Variants in TLL1 observed in about 807,000 individuals in gnomAD.
The protein encoded by TLL1 is tolloid-like protein 1.
Under a neutral mutation model 128.2 loss-of-function variants are expected in TLL1, and 49 were observed. The ratio of observed to expected loss-of-function variants is 0.38; its 90% CI spans 0.30 to 0.48. TLL1 has a LOEUF of 0.48. Ranked by LOEUF, TLL1 falls within the 20% of genes least tolerant of loss-of-function variation. The probability of loss-of-function intolerance (pLI) is 0.96; values close to 1 mark genes in which losing one functional copy is unlikely to be tolerated. For synonymous variants in TLL1, 454 were observed against 418.8 expected (o/e 1.08, Z -1.03); for missense variants, 1,123 against 1,242.0 (o/e 0.90, Z 1.44).
Position 166,103,822 on chromosome 4 carries a change from T to C in TLL1, c.*2946T>C, listed in dbSNP as rs973828804. The C allele has an allele frequency of 2.3e-5, 3 of 133,028 alleles. No individual in the cohort carries two copies. Among genetic ancestry groups the C allele is most frequent in the South Asian group, 5.5e-4 (2 of 3,634 alleles). 8.2% of individuals were successfully genotyped at this position (133,028 alleles called of 1,614,324 possible). On this transcript the variant is annotated 3_prime_UTR_variant, in exon 21 of 21. Transcript: ENST00000061240. ...TGGTTGTGCTTTATATTTGCCAAAGTCCTAACTGACTATACATAGAAAAAA... is the reference window on the plus strand; with the variant it reads ...TGGTTGTGCTTTATATTTGCCAAAGCCCTAACTGACTATACATAGAAAAAA...
chr4:165,911,867 T>G (rs1362826529), intron 1 of TLL1, among the ~76,000 whole-genome samples: 1 of 152,008 alleles, frequency 6.6e-6, no homozygotes, highest in African/African-American at 2.4e-5. Flanking sequence ...CAATGGTGTT[T>G]TTTTGTTTTG....
chr4:166,054,987 A>G (rs1490564070), intron 12 of TLL1, 89 bp from the exon 13 acceptor site: 2 of 1,069,308 alleles, frequency 1.9e-6, no homozygotes, highest in African/African-American at 1.6e-5. Context: ...TTAACAAATC[A>G]GAAGTATGGC....
intron 1 of TLL1, among the ~76,000 whole-genome samples, chr4:165,912,034 C>T (rs1436314892): frequency 6.6e-6 from 1 of 152,240 alleles, no homozygotes; most frequent in East Asian, 1.9e-4. Context: ...CGCCACCATG[C>T]CCGGCTAATT....
intron 1 of TLL1, among the ~76,000 whole-genome samples, chr4:165,958,417 A>G (rs1734921080): frequency 8.8e-6 from 1 of 113,608 alleles, no homozygotes; most frequent in Non-Finnish European, 1.8e-5. Context: ...CTGGTGTGAG[A>G]TGGTATCTCA....
In TLL1 at chr4:166,076,325, G is replaced by A. The variant is rs146327218; in HGVS notation, c.2314+1322G>A. On this transcript the variant is annotated intron_variant, in intron 17 of 20. Transcript: ENST00000061240. ...TGAGCTCAAGCAATCCACCTGCCAC[G>A]GCCTCCCAAAGTGCTGGGATCGCAG... is the stretch of plus-strand genomic sequence containing the variant. Among the ~76,000 whole-genome samples the A allele has an allele frequency of 3.4e-3, 523 of 152,020 alleles. 4 individuals carry two copies. The highest frequency in any genetic ancestry group is 0.012 in the African/African-American group (501 of 41,452).
rs948120061 is a variant in TLL1 at position 166,077,524 on chromosome 4, G to A, written c.2315-379G>A. Among the ~76,000 whole-genome samples, 5 of 152,096 alleles carry A rather than the reference G, an allele frequency of 3.3e-5. No individual in the cohort carries two copies. The East Asian group carries it at 7.7e-4, about 23-fold the overall frequency. ...CTTTATAGGAAAAAAATTGAAAATG[G>A]CATAGTCCAATGATGTTTGTTTGTG... On this transcript the variant is annotated intron_variant, in intron 17 of 20. Transcript: ENST00000061240.
chr4:166,022,169 C>CTT (rs200372458), intron 8 of TLL1, among the ~76,000 whole-genome samples: 1 of 142,330 alleles, frequency 7.0e-6, no homozygotes. Flanking sequence ...ATTCCTTTTC[C>CTT]TTTTTTTTTT....
At position 166,025,329 on chromosome 4, in the gene TLL1, T is replaced by G. The variant is rs1028311124; in HGVS notation, c.1056T>G (p.Thr352=). 3.1e-6 allele frequency: 5 copies of G among 1,612,820 alleles called. No homozygotes were observed. The African/African-American group carries it at 6.7e-5, about 22-fold the overall frequency. The change falls in exon 9 of 21, where the codon ACT becomes ACG. Residue 352 remains threonine (T), a synonymous_variant. Coordinates refer to ENST00000061240, the MANE Select transcript of TLL1 (RefSeq NM_012464.5). ...KLYRCPACGE[T]LQESNGNLSS... is the part of the protein sequence containing the mutation. ...TTTTCCTTTCAGCATGTGGAGAAAC[T>G]CTACAAGAATCCAATGGCAACCTTT... is the stretch of plus-strand genomic sequence containing the variant.
chr4:166,077,138 G>A (rs951254803), intron 17 of TLL1, among the ~76,000 whole-genome samples: 1 of 151,558 alleles, frequency 6.6e-6, no homozygotes, highest in African/African-American at 2.4e-5. Flanking sequence ...AAATTATATA[G>A]AAAGAGCACA....
At chr4:165,898,309 GT>G (rs1731784268) in intron 1 of TLL1, among the ~76,000 whole-genome samples, 1 of 152,206 alleles carries the variant, frequency 6.6e-6, no homozygotes, top group Non-Finnish European at 1.5e-5. Flanking sequence ...TCTTGTGCTG[GT>G]TTTCAAAGGG....
At chr4:166,089,447 G>T (rs1741663802) in intron 18 of TLL1, among the ~76,000 whole-genome samples, 1 of 152,122 alleles carries the variant, frequency 6.6e-6, no homozygotes, top group Non-Finnish European at 1.5e-5. Context: ...ACATTGACAG[G>T]TTTATGCAAA....
At chr4:166,094,696 A>T (rs180895703) in intron 19 of TLL1, among the ~76,000 whole-genome samples, 2 of 152,018 alleles carry the variant, frequency 1.3e-5, no homozygotes, top group South Asian at 4.2e-4. Flanking sequence ...AGAATTTTTT[A>T]TGTTACTTGT....
intron 1 of TLL1, among the ~76,000 whole-genome samples, chr4:165,934,173 CTTTTTTTT>C (rs779010027): frequency 9.2e-6 from 1 of 108,304 alleles, no homozygotes; most frequent in Non-Finnish European, 1.9e-5. Flanking sequence ...TAATTTTTTG[CTTTTTTTT>C]TTTTTTTTTT....
At chr4:165,879,194 C>T (rs1362731362) in intron 1 of TLL1, among the ~76,000 whole-genome samples, 1 of 152,046 alleles carries the variant, frequency 6.6e-6, no homozygotes, top group Non-Finnish European at 1.5e-5. Flanking sequence ...GATTCTCCTG[C>T]CTCAAGCTCC....
chr4:165,889,337 T>G (rs1188633613), intron 1 of TLL1, among the ~76,000 whole-genome samples: 1 of 152,228 alleles, frequency 6.6e-6, no homozygotes, highest in Non-Finnish European at 1.5e-5. Context: ...ATAATCAAAC[T>G]ACTATTTGTT....
intron 12 of TLL1, among the ~76,000 whole-genome samples, chr4:166,046,962 A>G (rs982611038): frequency 3.3e-5 from 5 of 151,994 alleles, no homozygotes; most frequent in African/African-American, 9.7e-5. Flanking sequence ...AATTTAGTCA[A>G]TTATCTGTTT....
intron 1 of TLL1, among the ~76,000 whole-genome samples, chr4:165,959,648 G>C (rs1273845687): frequency 6.6e-6 from 1 of 151,932 alleles, no homozygotes. Flanking sequence ...GCATACTCTT[G>C]GACCACAGTG....
rs1461827209 is a variant in TLL1 at position 165,994,381 on chromosome 4, G to T, written c.362G>T (p.Gly121Val). 1 of 1,613,908 alleles carries T rather than the reference G, an allele frequency of 6.2e-7. No homozygotes were observed. The highest frequency in any genetic ancestry group is 2.2e-5 in the East Asian group (1 of 44,848). ...LIDRIRRIGF[G>V]LEQNNTVKGK... Reference sequence around the variant, plus strand: ...CAGAATGTTTTAAATGTCACTGCAGGCTTGGAGCAAAACAACACAGTTAAG... The same window carrying T: ...CAGAATGTTTTAAATGTCACTGCAGTCTTGGAGCAAAACAACACAGTTAAG... Residue 121 changes from glycine (G) to valine (V), a missense_variant and splice_region_variant, in exon 4 of 21, where the codon GGC becomes GTC. Transcript: ENST00000061240.
intron 1 of TLL1, among the ~76,000 whole-genome samples, chr4:165,888,011 G>C (rs1300584778): frequency 6.6e-6 from 1 of 152,076 alleles, no homozygotes; most frequent in Non-Finnish European, 1.5e-5. Flanking sequence ...CAACATTCTT[G>C]ACAGTCTTGT....
Sources: allele counts gnomAD v4.1 joint callset (sites outside exome capture counted in the v4.1 genomes callset), GRCh38; gene constraint gnomAD v4.1.1; transcripts MANE v1.5; gene names NCBI Gene and HGNC (gene_info 2026-07-23, HGNC 2026-07-21).